HS6ST3: variants seen among roughly 807,000 people sequenced by gnomAD.
The protein encoded by HS6ST3 is heparan sulfate 6-O-sulfotransferase 3, also known as heparan-sulfate 6-O-sulfotransferase 3.
A neutral mutation model predicts 36.7 loss-of-function variants in HS6ST3; 12 were observed. That is an observed-to-expected ratio of 0.33 (90% CI 0.21 to 0.53). The LOEUF (loss-of-function observed/expected upper bound fraction) is 0.53. Among genes scored for constraint, HS6ST3 ranks in the 20% least tolerant of loss-of-function variants. HS6ST3 has a pLI of 0.95. For missense variants in HS6ST3, 584 were observed against 640.9 expected (o/e 0.91, Z 0.96); for synonymous variants, 240 against 257.5 (o/e 0.93, Z 0.65).
In HS6ST3 at chr13:96,266,061, C is replaced by G. The variant is rs991650658; in HGVS notation, c.707+174492C>G. On this transcript the variant is annotated intron_variant, in intron 1 of 1. Transcript: ENST00000376705. ...TGCAGGGTTATTTTTTTTTAAATACCCTGCAAGAGCACCATAGCAATGCTT... is the reference window on the plus strand; with the variant it reads ...TGCAGGGTTATTTTTTTTTAAATACGCTGCAAGAGCACCATAGCAATGCTT... 2.0e-5 allele frequency among the ~76,000 whole-genome samples: 3 copies of G among 150,698 alleles called. No individual in the cohort carries two copies. The South Asian group carries it at 6.3e-4, about 32-fold the overall frequency.
At chr13:96,722,733 T>A (rs772848997) in intron 1 of HS6ST3, among the ~76,000 whole-genome samples, 22 of 152,270 alleles carry the variant, frequency 1.4e-4, no homozygotes, top group Non-Finnish European at 3.2e-4. Context: ...TCCCAGAACT[T>A]TGGGAGGCTG....
chr13:96,434,674 A>T (rs1280523680), intron 1 of HS6ST3, among the ~76,000 whole-genome samples: 1 of 151,626 alleles, frequency 6.6e-6, no homozygotes, highest in Middle Eastern at 3.2e-3. Flanking sequence ...TCTCTCCCCA[A>T]GCTGCCCACC....
chr13:96,433,165 A>G (rs1319306), intron 1 of HS6ST3, among the ~76,000 whole-genome samples: 45,919 of 152,014 alleles, frequency 0.3, 7,106 homozygotes, highest in South Asian at 0.44. Context: ...CTCGGTTCTG[A>G]TAAGAAACAG....
intron 1 of HS6ST3, among the ~76,000 whole-genome samples, chr13:96,524,437 C>A (rs566060910): frequency 6.6e-6 from 1 of 152,324 alleles, no homozygotes; most frequent in South Asian, 2.1e-4. Context: ...CTGTCTGCTG[C>A]CTTTTGTTCA....
chr13:96,503,107 T>C (rs563176074), intron 1 of HS6ST3, among the ~76,000 whole-genome samples: 2 of 152,200 alleles, frequency 1.3e-5, no homozygotes, highest in Non-Finnish European at 2.9e-5. Context: ...TGTGGTTTTT[T>C]TTTGTGTGTT....
At chr13:96,293,622 G>T (rs1248377096) in intron 1 of HS6ST3, among the ~76,000 whole-genome samples, 1 of 152,036 alleles carries the variant, frequency 6.6e-6, no homozygotes, top group Non-Finnish European at 1.5e-5. Flanking sequence ...TGTTAATTCA[G>T]TATTTCATAA....
chr13:96,328,961 A>AT (rs1216913974), intron 1 of HS6ST3, among the ~76,000 whole-genome samples: 2 of 151,184 alleles, frequency 1.3e-5, no homozygotes, highest in Non-Finnish European at 1.5e-5. Flanking sequence ...TTTCTAGTTT[A>AT]TTTGCGTAGA....
At position 96,238,091 on chromosome 13, in the gene HS6ST3, C is replaced by A. The variant is rs115786774; in HGVS notation, c.707+146522C>A. On this transcript the variant is annotated intron_variant, in intron 1 of 1. Coordinates refer to ENST00000376705, the MANE Select transcript of HS6ST3 (RefSeq NM_153456.4). ...GGCACCTTGAATTCCATCCTCCAAA[C>A]CTGTTCCTCTCTCAGTCTTCCTTAT... 9.7e-3 allele frequency among the ~76,000 whole-genome samples: 1,483 copies of A among 152,290 alleles called. 25 individuals carry two copies. Among genetic ancestry groups the A allele is most frequent in the African/African-American group, 0.034 (1,424 of 41,542 alleles).
At chr13:96,772,925 A>G (rs1331547394) in intron 1 of HS6ST3, among the ~76,000 whole-genome samples, 1 of 152,180 alleles carries the variant, frequency 6.6e-6, no homozygotes, top group African/African-American at 2.4e-5. Flanking sequence ...AGCGAGATCA[A>G]CACAGAAGGT....
chr13:96,102,182 A>G (rs1017778320), intron 1 of HS6ST3, among the ~76,000 whole-genome samples: 1 of 152,200 alleles, frequency 6.6e-6, no homozygotes, highest in African/African-American at 2.4e-5. Context: ...TCTATCTGTA[A>G]TATTCCTATG....
At chr13:96,352,779 A>T (rs1020662620) in intron 1 of HS6ST3, among the ~76,000 whole-genome samples, 1 of 152,208 alleles carries the variant, frequency 6.6e-6, no homozygotes, top group Non-Finnish European at 1.5e-5. Flanking sequence ...AAAAGCTAAC[A>T]TTTATTAAAC....
chr13:96,496,759 G>C (rs2055979017), intron 1 of HS6ST3, among the ~76,000 whole-genome samples: 1 of 152,012 alleles, frequency 6.6e-6, no homozygotes, highest in Non-Finnish European at 1.5e-5. Context: ...TTTTTTTTAA[G>C]CCATTAAGCT....
chr13:96,102,571 A>G (rs1244419647), intron 1 of HS6ST3, among the ~76,000 whole-genome samples: 1 of 152,216 alleles, frequency 6.6e-6, no homozygotes, highest in Non-Finnish European at 1.5e-5. Flanking sequence ...ACCACTGCAG[A>G]TAATTTCTTT....
intron 1 of HS6ST3, among the ~76,000 whole-genome samples, chr13:96,559,051 T>C (rs2056251611): frequency 6.6e-6 from 1 of 152,060 alleles, no homozygotes; most frequent in African/African-American, 2.4e-5. Flanking sequence ...TTTTAACCAA[T>C]TCTAAGTGAG....
chr13:96,625,985 T>C lies in HS6ST3; in HGVS notation c.708-206505T>C, dbSNP rs554008092. ...CCTCTCAGCTGGGACTACAGGCGCC[T>C]GCCACTACGCCCGGCTAATTTTTTG... On this transcript the variant is annotated intron_variant, in intron 1 of 1. Coordinates refer to ENST00000376705, the MANE Select transcript of HS6ST3 (RefSeq NM_153456.4). Among the ~76,000 whole-genome samples the C allele has an allele frequency of 4.4e-4, 65 of 148,204 alleles. 3 individuals are homozygous for C. The South Asian group carries it at 7.0e-3, about 16-fold the overall frequency.
intron 1 of HS6ST3, among the ~76,000 whole-genome samples, chr13:96,624,169 A>G (rs933854395): frequency 2.0e-5 from 3 of 152,192 alleles, no homozygotes; most frequent in Admixed American, 1.3e-4. Flanking sequence ...GTGTATATAT[A>G]TATTTCATAA....
chr13:96,328,396 G>A (rs1199865072), intron 1 of HS6ST3, among the ~76,000 whole-genome samples: 1 of 152,022 alleles, frequency 6.6e-6, no homozygotes, highest in Admixed American at 6.5e-5. Flanking sequence ...ATGAAGGGTT[G>A]TTGAATTTTG....
At chr13:96,811,381 C>T (rs1223081636) in intron 1 of HS6ST3, among the ~76,000 whole-genome samples, 2 of 152,134 alleles carry the variant, frequency 1.3e-5, no homozygotes, top group South Asian at 2.1e-4. Flanking sequence ...TTCTTTTTCA[C>T]CTACTTGGCT....
intron 1 of HS6ST3, among the ~76,000 whole-genome samples, chr13:96,787,652 T>G (rs1264739476): frequency 6.6e-6 from 1 of 152,060 alleles, no homozygotes; most frequent in Non-Finnish European, 1.5e-5. Context: ...CTTTATGTAT[T>G]TTGTAATCAC....
Sources: allele counts gnomAD v4.1 joint callset (sites outside exome capture counted in the v4.1 genomes callset), GRCh38; gene constraint gnomAD v4.1.1; transcripts MANE v1.5; gene names NCBI Gene and HGNC (gene_info 2026-07-23, HGNC 2026-07-21).